Variants in ZDHHC20 observed in about 807,000 individuals in gnomAD.
ZDHHC20 encodes zDHHC palmitoyltransferase 20.
A neutral mutation model predicts 57.8 loss-of-function variants in ZDHHC20; 43 were observed. The observed-to-expected ratio is 0.74, with a 90% CI of 0.58 to 0.96. The LOEUF is 0.96. Among genes scored for constraint, ZDHHC20 ranks in the 40% least tolerant of loss-of-function variants. ZDHHC20 has a pLI of 0.00. For synonymous variants in ZDHHC20, 157 were observed against 153.0 expected (o/e 1.03, Z -0.19); for missense variants, 391 against 441.1 (o/e 0.89, Z 1.02).
At position 21,458,913 on chromosome 13, in the gene ZDHHC20, G is replaced by C. The variant is rs1004145318; in HGVS notation, c.118+141C>G. On this transcript the variant is annotated intron_variant, in intron 1 of 12. Transcript: ENST00000400590. ...ACAAAGCGGCGGGTGCAGCAACCTC[G>C]GCGCTTCCGAGCGCGTTCGGGGCCG... The C allele has an allele frequency of 1.3e-5, 7 of 552,548 alleles. No homozygotes were observed. The African/African-American group carries it at 1.4e-4, about 11-fold the overall frequency. The allele number at this position is 552,548 out of a possible 1,614,324, so 34.2% of individuals were successfully genotyped here. A position where few individuals can be genotyped will look rare whatever the true frequency, so the allele number is the denominator to read the frequency against.
intron 1 of ZDHHC20, among the ~76,000 whole-genome samples, chr13:21,450,138 A>G (rs527323625): frequency 6.6e-6 from 1 of 152,258 alleles, no homozygotes; most frequent in Admixed American, 6.5e-5. Flanking sequence ...CTGAGCTATT[A>G]GGAGCAGCAG....
At chr13:21,413,007 C>CA (rs775571438) in intron 4 of ZDHHC20, among the ~76,000 whole-genome samples, 12 of 118,546 alleles carry the variant, frequency 1.0e-4, no homozygotes, top group Non-Finnish European at 1.5e-4. Flanking sequence ...TCCCAAACAA[C>CA]AAAAAAAAAT....
intron 1 of ZDHHC20, among the ~76,000 whole-genome samples, chr13:21,452,597 A>G (rs1884551723): frequency 6.6e-6 from 1 of 152,214 alleles, no homozygotes; most frequent in Admixed American, 6.5e-5. Context: ...TTTAAAAACT[A>G]TTAATATAAT....
intron 3 of ZDHHC20, among the ~76,000 whole-genome samples, chr13:21,414,896 AC>A (rs1879764527): frequency 6.6e-6 from 1 of 152,044 alleles, no homozygotes; most frequent in Non-Finnish European, 1.5e-5. Context: ...TAAAAAAAAA[AC>A]AAAACTAAGA....
intron 4 of ZDHHC20, among the ~76,000 whole-genome samples, chr13:21,403,386 T>C (rs1877987764): frequency 6.6e-6 from 1 of 152,214 alleles, no homozygotes; most frequent in Admixed American, 6.5e-5. Context: ...TGAATTGTTT[T>C]CCACTAAATC....
In ZDHHC20 at chr13:21,400,508, A is replaced by C. The variant is rs1877469172; in HGVS notation, c.474-15T>G. The C allele has an allele frequency of 6.5e-7, 1 of 1,530,728 alleles. No homozygotes were observed. Among genetic ancestry groups the C allele is most frequent in the Non-Finnish European group, 8.8e-7 (1 of 1,141,304 alleles). 94.8% of individuals were successfully genotyped at this position (1,530,728 alleles called of 1,614,324 possible). A position where few individuals can be genotyped will look rare whatever the true frequency, so the allele number is the denominator to read the frequency against. ...AGTTATTCACCCTGGAAAAATAAAG[A>C]AAGCCACATTATAAAAGTAAGACAA... On this transcript the variant is annotated splice_polypyrimidine_tract_variant and intron_variant, in intron 6 of 12. Transcript: ENST00000400590.
chr13:21,439,683 G>A (rs1448155089), intron 1 of ZDHHC20, among the ~76,000 whole-genome samples: 1 of 152,054 alleles, frequency 6.6e-6, no homozygotes, highest in Non-Finnish European at 1.5e-5. Flanking sequence ...GAACTGAGTG[G>A]ACAAATGAAG....
intron 4 of ZDHHC20, among the ~76,000 whole-genome samples, chr13:21,406,868 A>G (rs1189372712): frequency 6.6e-6 from 1 of 152,168 alleles, no homozygotes; most frequent in East Asian, 1.9e-4. Flanking sequence ...TCTTTACAGA[A>G]TGATTTATAA....
At chr13:21,385,574 T>C (rs903519117) in intron 9 of ZDHHC20, among the ~76,000 whole-genome samples, 1 of 152,160 alleles carries the variant, frequency 6.6e-6, no homozygotes, top group Admixed American at 6.5e-5. Flanking sequence ...GAAAAGAAGA[T>C]GGCAGAGATG....
chr13:21,375,021 C>A lies in ZDHHC20; in HGVS notation c.*1675G>T. On this transcript the variant is annotated 3_prime_UTR_variant, in exon 13 of 13. Transcript: ENST00000400590. The stretch of plus-strand genomic sequence containing the variant: ...TGGTGGCATGAGCCTGTAATCCCAG[C>A]TACTTGGGAGGCTGAGGCAGGAGAC... 1 of 411,680 alleles carries A rather than the reference C, an allele frequency of 2.4e-6. No individual in the cohort carries two copies. Among genetic ancestry groups the A allele is most frequent in the Non-Finnish European group, 4.8e-6 (1 of 209,024 alleles). The allele number at this position is 411,680 out of a possible 1,614,324, so 25.5% of individuals were successfully genotyped here. A position where few individuals can be genotyped will look rare whatever the true frequency, so the allele number is the denominator to read the frequency against.
intron 10 of ZDHHC20, among the ~76,000 whole-genome samples, chr13:21,382,659 A>G (rs1873631483): frequency 6.6e-6 from 1 of 152,160 alleles, no homozygotes. Flanking sequence ...TTCCAGCTTT[A>G]TTTGATTATC....
intron 1 of ZDHHC20, among the ~76,000 whole-genome samples, chr13:21,453,003 G>C (rs545802678): frequency 3.3e-5 from 5 of 152,268 alleles, no homozygotes; most frequent in African/African-American, 1.2e-4. Flanking sequence ...AATGTAGATG[G>C]TCAAAACCCC....
At chr13:21,384,521 A>G (rs1791527946) in intron 9 of ZDHHC20, among the ~76,000 whole-genome samples, 1 of 150,384 alleles carries the variant, frequency 6.6e-6, no homozygotes, top group African/African-American at 2.4e-5. Flanking sequence ...CAGAGTTGAG[A>G]GAGAGCAAGA....
At chr13:21,434,154 A>G (rs1008035845) in intron 1 of ZDHHC20, among the ~76,000 whole-genome samples, 2 of 152,134 alleles carry the variant, frequency 1.3e-5, no homozygotes, top group African/African-American at 4.8e-5. Context: ...GGAAGATTAA[A>G]TACCTGATAA....
chr13:21,438,769 T>C (rs145815507), intron 1 of ZDHHC20, among the ~76,000 whole-genome samples: 7 of 152,184 alleles, frequency 4.6e-5, no homozygotes, highest in East Asian at 1.9e-4. Flanking sequence ...CAGAAAAATA[T>C]TGTGAAAGGA....
chr13:21,406,692 T>A (rs569999922), intron 4 of ZDHHC20, among the ~76,000 whole-genome samples: 1 of 152,322 alleles, frequency 6.6e-6, no homozygotes. Context: ...GCTTCATCCA[T>A]GTCCCTGCAA....
At chr13:21,403,697 G>GT (rs1210137164) in intron 4 of ZDHHC20, among the ~76,000 whole-genome samples, 1 of 152,042 alleles carries the variant, frequency 6.6e-6, no homozygotes, top group Non-Finnish European at 1.5e-5. Context: ...TTGTTTTTTT[G>GT]TTTTTTCTGG....
intron 1 of ZDHHC20, among the ~76,000 whole-genome samples, chr13:21,431,207 G>A (rs1191300072): frequency 1.3e-5 from 2 of 152,196 alleles, no homozygotes; most frequent in African/African-American, 4.8e-5. Flanking sequence ...CCACATGGCT[G>A]GGGAGGCCTC....
chr13:21,387,645 T>C lies in ZDHHC20; in HGVS notation c.728-11A>G. On this transcript the variant is annotated splice_polypyrimidine_tract_variant and intron_variant, in intron 8 of 12. Transcript: ENST00000400590. ...GTGCGCGGAATGATTCTGTTAAATA[T>C]ACATACATATATAAACTAATTAATC... is the stretch of plus-strand genomic sequence containing the variant. 7.1e-7 allele frequency: 1 copy of C among 1,413,500 alleles called. No homozygotes were observed. Among genetic ancestry groups the C allele is most frequent in the South Asian group, 1.7e-5 (1 of 58,000 alleles). 87.6% of individuals were successfully genotyped at this position (1,413,500 alleles called of 1,614,324 possible).
Sources: gnomAD v4.1 joint callset for allele counts (sites outside exome capture counted in the v4.1 genomes callset) on GRCh38, gnomAD v4.1.1 for gene constraint, MANE v1.5 for transcripts, NCBI Gene and HGNC (gene_info 2026-07-23, HGNC 2026-07-21) for gene names.